BTBD2: variants seen among roughly 807,000 people sequenced by gnomAD.
BTBD2 encodes BTB/POZ domain-containing protein 2.
In BTBD2, 15 loss-of-function variants were observed where a neutral mutation model predicts 44.0. The ratio of observed to expected loss-of-function variants is 0.34; its 90% confidence interval spans 0.23 to 0.53. The LOEUF (loss-of-function observed/expected upper bound fraction) is 0.53, where lower values mean the gene tolerates loss of function less well. BTBD2 is among the 20% of genes least tolerant of loss of function. BTBD2 has a pLI of 0.95. For synonymous variants in BTBD2, 443 were observed against 335.9 expected (o/e 1.32, Z -3.49); for missense variants, 657 against 746.4 (o/e 0.88, Z 1.39).
At chr19:2,010,506 T>G (rs2016450972) in intron 1 of BTBD2, among the ~76,000 whole-genome samples, 2 of 152,130 alleles carry the variant, frequency 1.3e-5, no homozygotes, top group Admixed American at 6.6e-5. Flanking sequence ...CAGCTCACCC[T>G]GCACCCCCGC....
chr19:1,986,425 C>T lies in BTBD2; in HGVS notation c.*63G>A. On this transcript the variant is annotated 3_prime_UTR_variant, in exon 9 of 9. Coordinates refer to ENST00000255608, the MANE Select transcript of BTBD2 (RefSeq NM_017797.4). ...CCGCGTGGTGGGGGGGCCCCAGCAGCAGATGATGGCCTGGGGCTGCGGCTA... is the reference window on the plus strand; with the variant it reads ...CCGCGTGGTGGGGGGGCCCCAGCAGTAGATGATGGCCTGGGGCTGCGGCTA... The T allele has an allele frequency of 1.3e-6, 2 of 1,591,282 alleles. No individual in the cohort carries two copies. Among genetic ancestry groups the T allele is most frequent in the South Asian group, 2.2e-5 (2 of 89,256 alleles).
At chr19:1,991,509 T>G (rs1175579444) in intron 3 of BTBD2, among the ~76,000 whole-genome samples, 1 of 152,054 alleles carries the variant, frequency 6.6e-6, no homozygotes, top group Non-Finnish European at 1.5e-5. Context: ...GGGAGTGAGC[T>G]CCAGCCTCCT....
chr19:1,999,149 C>T lies in BTBD2; in HGVS notation c.408-1686G>A, dbSNP rs1021567100. Among the ~76,000 whole-genome samples the T allele has an allele frequency of 1.1e-4, 16 of 152,306 alleles. No individual in the cohort carries two copies. In the South Asian group the frequency reaches 1.2e-3, roughly 12 times the overall value. On this transcript the variant is annotated intron_variant, in intron 1 of 8. Coordinates refer to ENST00000255608, the MANE Select transcript of BTBD2 (RefSeq NM_017797.4). The stretch of plus-strand genomic sequence containing the variant: ...CCACCACACGCGCCCCCCTAAACCC[C>T]GCAGGCCCTCAGCCCACCCGGTCCA...
At chr19:1,997,485 C>G (rs373047911) in intron 1 of BTBD2, 22 bp from the exon 2 acceptor site, 43 of 1,613,032 alleles carry the variant, frequency 2.7e-5, no homozygotes, top group Non-Finnish European at 3.4e-5. Flanking sequence ...GAGAGAAGGC[C>G]CTGGTTAAGC....
chr19:1,996,545 C>CAAAAAA (rs111933486), intron 2 of BTBD2, among the ~76,000 whole-genome samples: 40 of 99,292 alleles, frequency 4.0e-4, no homozygotes, highest in African/African-American at 1.5e-3. Flanking sequence ...GCAAAACTGT[C>CAAAAAA]AAAAAAAAAA....
At position 2,015,313 on chromosome 19, in the gene BTBD2, G is replaced by A. The variant is rs948806866; in HGVS notation, c.391C>T (p.Arg131Cys). Residue 131 changes from arginine (R) to cysteine (C), a missense_variant, in exon 1 of 9, where the codon CGC (arginine) becomes TGC (cysteine). By Grantham distance (180) the Arg-to-Cys change is radical. Transcript: ENST00000255608. ...GGCGCCCACCTGTGCGCGGGGATGC[G>A]CTGCGAGCTGAGCCCCTTGCCCACC... ...FLVGKGLSSQRIPAHRFVLAV... is the reference protein window; with the variant it reads ...FLVGKGLSSQCIPAHRFVLAV... The A allele has an allele frequency of 3.2e-6, 5 of 1,567,734 alleles. No individual in the cohort carries two copies. In the South Asian group the frequency reaches 5.7e-5, roughly 18 times the overall value.
rs79395167 is a variant in BTBD2, at chr19:1,986,932, C to G, written c.1314G>C (p.Thr438=). 5 of 1,613,324 alleles carry G rather than the reference C, an allele frequency of 3.1e-6. No homozygotes were observed. The East Asian group carries it at 8.9e-5, about 29-fold the overall frequency. The change falls in exon 8 of 9, where the codon ACG becomes ACC. Residue 438 remains threonine (T), a synonymous_variant. Transcript: ENST00000255608. The stretch of plus-strand genomic sequence containing the variant: ...TGGCTGAGCCGTCGCAGCTGAAGCC[C>G]GTGTCGTTCTGGCCCAAGACGGTGT... ...DSNTVLGQND[T]GFSCDGSAST...
chr19:1,999,647 C>A (rs1599355078), intron 1 of BTBD2, among the ~76,000 whole-genome samples: 1 of 150,682 alleles, frequency 6.6e-6, no homozygotes, highest in South Asian at 2.1e-4. Context: ...GCCTGGGCAA[C>A]AGAGCAAGAC....
chr19:1,988,753 G>A (rs140295219), intron 5 of BTBD2, among the ~76,000 whole-genome samples: 2,245 of 152,076 alleles, frequency 0.015, 64 homozygotes, highest in African/African-American at 0.052. Flanking sequence ...ACAGGCATGC[G>A]CCACCATGCC....
chr19:1,995,526 C>T (rs1268460189), intron 2 of BTBD2, among the ~76,000 whole-genome samples: 1 of 151,568 alleles, frequency 6.6e-6, no homozygotes, highest in African/African-American at 2.4e-5. Flanking sequence ...TCATGATCCA[C>T]CCACCTCGGC....
Position 1,985,901 on chromosome 19 carries a change from A to T in BTBD2, c.*587T>A, listed in dbSNP as rs996777211. On this transcript the variant is annotated 3_prime_UTR_variant, in exon 9 of 9. Transcript: ENST00000255608. The stretch of plus-strand genomic sequence containing the variant: ...CCTATCCGGCAGGGGCCGTCCCCAC[A>T]CTGAATCCTGCGTGCGCAGAACTCA... 2 of 154,194 alleles carry T rather than the reference A, an allele frequency of 1.3e-5. No homozygotes were observed. Among genetic ancestry groups the T allele is most frequent in the African/African-American group, 2.4e-5 (1 of 41,444 alleles). 9.6% of individuals were successfully genotyped at this position (154,194 alleles called of 1,614,324 possible).
intron 1 of BTBD2, among the ~76,000 whole-genome samples, chr19:2,004,977 G>A (rs1046202423): frequency 1.3e-5 from 2 of 151,678 alleles, no homozygotes; most frequent in African/African-American, 4.8e-5. Flanking sequence ...CCACCACCAC[G>A]CCCGGCTAAT....
At chr19:2,005,521 T>C (rs6510635) in intron 1 of BTBD2, among the ~76,000 whole-genome samples, 82,329 of 151,758 alleles carry the variant, frequency 0.54, 24,348 homozygotes, top group African/African-American at 0.79. Context: ...GTGGCTCATG[T>C]CTGTCATCCC....
At chr19:2,003,854 A>T (rs1000615184) in intron 1 of BTBD2, among the ~76,000 whole-genome samples, 1 of 151,968 alleles carries the variant, frequency 6.6e-6, no homozygotes, top group African/African-American at 2.4e-5. Context: ...CAAAGGGAAA[A>T]ATCAAGCTGG....
chr19:1,990,040 G>C lies in BTBD2; in HGVS notation c.952C>G (p.Arg318Gly), dbSNP rs1469932490. ...TCCTCGATGGTCATGAGCGGGAAGCGAATGAGGCCCAGGGCCTTGCCCAGA... is the reference window on the plus strand; with the variant it reads ...TCCTCGATGGTCATGAGCGGGAAGCCAATGAGGCCCAGGGCCTTGCCCAGA... Reference protein sequence around the residue: ...KVLGKALGLIRFPLMTIEEFA... With the variant: ...KVLGKALGLIGFPLMTIEEFA... The change falls in exon 5 of 9, where the codon CGC (arginine) becomes GGC (glycine). Residue 318 changes from arginine (R) to glycine (G), a missense_variant. Physicochemically the swap from Arg to Gly is moderately radical, Grantham distance 125. Coordinates refer to ENST00000255608, the MANE Select transcript of BTBD2 (RefSeq NM_017797.4). 2 of 1,613,246 alleles carry C rather than the reference G, an allele frequency of 1.2e-6. No individual in the cohort carries two copies. Among genetic ancestry groups the C allele is most frequent in the Non-Finnish European group, 1.7e-6 (2 of 1,180,038 alleles).
chr19:1,986,701 C>T (rs1230176739), intron 8 of BTBD2, 52 bp from the exon 9 acceptor site: 1 of 1,601,508 alleles, frequency 6.2e-7, no homozygotes, highest in Non-Finnish European at 8.5e-7. Context: ...CTGGGATGCC[C>T]CAGGTGTGGA....
intron 1 of BTBD2, among the ~76,000 whole-genome samples, chr19:2,004,923 G>A (rs1304529683): frequency 2.6e-5 from 4 of 151,478 alleles, no homozygotes; most frequent in Admixed American, 2.6e-4. Context: ...AAGTTCAAGC[G>A]ATTCTCCTGC....
chr19:1,999,624 C>T (rs1393043912), intron 1 of BTBD2, among the ~76,000 whole-genome samples: 4 of 151,818 alleles, frequency 2.6e-5, no homozygotes, highest in East Asian at 3.9e-4. Context: ...CAGGACTGCG[C>T]CACTGCACTC....
Position 1,989,984 on chromosome 19 carries a change from C to G in BTBD2, c.988+20G>C, listed in dbSNP as rs775665822. 15 of 1,611,750 alleles carry G rather than the reference C, an allele frequency of 9.3e-6. No individual in the cohort carries two copies. In the African/African-American group the frequency reaches 1.3e-4, roughly 14 times the overall value. ...TGCCACTCCCCTCCCAAACCAGCCCCTGAGCCCGAGCTCTGTTACCTGCAG... is the reference window on the plus strand; with the variant it reads ...TGCCACTCCCCTCCCAAACCAGCCCGTGAGCCCGAGCTCTGTTACCTGCAG... On this transcript the variant is annotated intron_variant, in intron 5 of 8. Transcript: ENST00000255608.
Sources: allele counts gnomAD v4.1 joint callset (sites outside exome capture counted in the v4.1 genomes callset), GRCh38; gene constraint gnomAD v4.1.1; transcripts MANE v1.5; gene names NCBI Gene and HGNC (gene_info 2026-07-23, HGNC 2026-07-21).